The following ENTREP2 variants were observed in gnomAD, a reference collection of about 807,000 sequenced individuals.
ENTREP2 encodes the protein endosomal transmembrane epsin interactor 2.
the ENTREP2 span, among the ~76,000 whole-genome samples, chr15:29,467,637 C>G: frequency 1.3e-5 from 2 of 152,236 alleles, no homozygotes; most frequent in Admixed American, 1.3e-4. Context: ...ACAGAGACCA[C>G]CCGGTGAAAC....
the ENTREP2 span, among the ~76,000 whole-genome samples, chr15:29,627,482 G>A: frequency 6.7e-6 from 1 of 150,222 alleles, no homozygotes; most frequent in Non-Finnish European, 1.5e-5. Context: ...GGCGGAGGTT[G>A]CAGTGAGCCA....
At chr15:29,575,550 G>A in the ENTREP2 span, among the ~76,000 whole-genome samples, 1 of 152,156 alleles carries the variant, frequency 6.6e-6, no homozygotes, top group Non-Finnish European at 1.5e-5. Flanking sequence ...CATCCAAATT[G>A]TAAAGGAAGA....
At chr15:29,414,897 A>G in the ENTREP2 span, among the ~76,000 whole-genome samples, 2 of 152,352 alleles carry the variant, frequency 1.3e-5, no homozygotes, top group East Asian at 3.9e-4. Context: ...TAGAAAATCT[A>G]GAAGAAATGG....
chr15:29,572,151 C>G, the ENTREP2 span, among the ~76,000 whole-genome samples: 1 of 152,184 alleles, frequency 6.6e-6, no homozygotes, highest in Non-Finnish European at 1.5e-5. Context: ...TCAGCCAACA[C>G]TTTAGCAGGG....
the ENTREP2 span, among the ~76,000 whole-genome samples, chr15:29,565,676 T>A: frequency 7.2e-5 from 11 of 152,118 alleles, no homozygotes; most frequent in Non-Finnish European, 1.2e-4. Context: ...AAAAGAAACA[T>A]TTTCCGGCCG....
At chr15:29,359,793 C>T in the ENTREP2 span, among the ~76,000 whole-genome samples, 1 of 152,164 alleles carries the variant, frequency 6.6e-6, no homozygotes, top group African/African-American at 2.4e-5. Context: ...GTCTTCCTTC[C>T]CTTACTAATC....
the ENTREP2 span, among the ~76,000 whole-genome samples, chr15:29,255,361 T>C: frequency 2.4e-4 from 36 of 152,054 alleles, no homozygotes; most frequent in Middle Eastern, 3.4e-3. Context: ...TACTAAAAAG[T>C]AAAAAATAAC....
chr15:29,558,366 A>G, the ENTREP2 span, among the ~76,000 whole-genome samples: 4 of 152,008 alleles, frequency 2.6e-5, no homozygotes, highest in African/African-American at 7.2e-5. Context: ...AGGATGAGTG[A>G]TGCTACATGG....
At chr15:29,376,152 A>C in the ENTREP2 span, 11 of 152,266 alleles carry the variant, frequency 7.2e-5, no homozygotes, top group East Asian at 2.1e-3. Flanking sequence ...ATTCTAAAAA[A>C]TGTTTTCAAC....
the ENTREP2 span, among the ~76,000 whole-genome samples, chr15:29,468,998 C>T: frequency 6.6e-6 from 1 of 152,122 alleles, no homozygotes; most frequent in African/African-American, 2.4e-5. Flanking sequence ...AATGCAGTGG[C>T]CTTTCTTCCC....
At chr15:29,473,153 G>A in the ENTREP2 span, among the ~76,000 whole-genome samples, 1 of 152,154 alleles carries the variant, frequency 6.6e-6, no homozygotes, top group African/African-American at 2.4e-5. Context: ...TGGGAAAGAA[G>A]GAGGAGCAGG....
chr15:29,341,767 C>A, the ENTREP2 span, among the ~76,000 whole-genome samples: 1 of 152,082 alleles, frequency 6.6e-6, no homozygotes, highest in African/African-American at 2.4e-5. Context: ...AGGAAAAGAA[C>A]CGGGAGAAGC....
the ENTREP2 span, chr15:29,234,477 T>G: frequency 6.8e-7 from 1 of 1,465,870 alleles, no homozygotes; most frequent in Non-Finnish European, 9.6e-7. Flanking sequence ...AGCATTCGCC[T>G]ATCATATATT....
At chr15:29,604,838 T>A in the ENTREP2 span, among the ~76,000 whole-genome samples, 1 of 152,146 alleles carries the variant, frequency 6.6e-6, no homozygotes, top group Non-Finnish European at 1.5e-5. Flanking sequence ...CCCGTGAAGA[T>A]GATGTGACTT....
the ENTREP2 span, chr15:29,136,391 A>G: frequency 4.6e-6 from 7 of 1,518,374 alleles, no homozygotes; most frequent in Admixed American, 1.6e-4. Context: ...CTGGCCCACC[A>G]CCGCCTCGTA....
chr15:29,659,434 G>A, the ENTREP2 span, among the ~76,000 whole-genome samples: 3 of 152,104 alleles, frequency 2.0e-5, no homozygotes, highest in African/African-American at 7.2e-5. Context: ...TCACGCCATT[G>A]CCCTCCAGCC....
At chr15:29,547,410 A>G in the ENTREP2 span, among the ~76,000 whole-genome samples, 1 of 152,150 alleles carries the variant, frequency 6.6e-6, no homozygotes, top group Non-Finnish European at 1.5e-5. Flanking sequence ...ATTTTTAAAA[A>G]TGAGTAAAAG....
chr15:29,436,879 T>C, the ENTREP2 span, among the ~76,000 whole-genome samples: 1 of 152,238 alleles, frequency 6.6e-6, no homozygotes, highest in Non-Finnish European at 1.5e-5. Flanking sequence ...TTTTGAAATA[T>C]CAATCCAGTC....
the ENTREP2 span, among the ~76,000 whole-genome samples, chr15:29,459,305 T>A: frequency 6.6e-6 from 1 of 152,170 alleles, no homozygotes; most frequent in African/African-American, 2.4e-5. Flanking sequence ...CCATGGCCTG[T>A]GGAGAAGTGG....
Sources: allele counts gnomAD v4.1 joint callset (sites outside exome capture counted in the v4.1 genomes callset), GRCh38; gene constraint gnomAD v4.1.1; transcripts MANE v1.5; gene names NCBI Gene and HGNC (gene_info 2026-07-23, HGNC 2026-07-21).